Variants in SLC35A5 observed in about 807,000 individuals in gnomAD.
SLC35A5 encodes the protein solute carrier family 35 member A5.
Under a neutral mutation model 36.3 loss-of-function variants are expected in SLC35A5, and 28 were observed. That is an observed-to-expected ratio of 0.77 (90% CI 0.57 to 1.06). SLC35A5 has a LOEUF of 1.06. SLC35A5 is among the 50% of genes least tolerant of loss of function. The pLI is 0.00. For synonymous variants in SLC35A5, 180 were observed against 173.7 expected (o/e 1.04, Z -0.29); for missense variants, 521 against 499.3 (o/e 1.04, Z -0.41).
chr3:112,572,637 G>A (rs1303436209), intron 4 of SLC35A5, among the ~76,000 whole-genome samples: 2 of 152,100 alleles, frequency 1.3e-5, no homozygotes, highest in African/African-American at 4.8e-5. Flanking sequence ...TCCTGATTGT[G>A]AACAACCATA....
At position 112,570,612 on chromosome 3, in the gene SLC35A5, CCTTT is replaced by C. The variant is rs753395701; in HGVS notation, c.307_310del (p.Leu103IlefsTer6). 1.2e-6 allele frequency: 2 copies of C among 1,612,774 alleles called. No homozygotes were observed. Among genetic ancestry groups the C allele is most frequent in the Non-Finnish European group, 1.7e-6 (2 of 1,179,404 alleles). On this transcript the variant is annotated frameshift_variant, in exon 4 of 7. Coordinates refer to ENST00000492406, the MANE Select transcript of SLC35A5 (RefSeq NM_017945.5). LOFTEE classifies it high-confidence loss of function. ...GATTTCATGAAGTGGTCCATTCCTG[CCTTT>C]CTTTATTTCCTGGATAACTTGATTG...
intron 2 of SLC35A5, among the ~76,000 whole-genome samples, chr3:112,564,802 C>CT (rs1231303806): frequency 6.6e-6 from 1 of 152,214 alleles, no homozygotes; most frequent in Non-Finnish European, 1.5e-5. Context: ...GGTGATGACT[C>CT]TTAACGAGCA....
In SLC35A5 at chr3:112,581,225, A is replaced by G; in HGVS notation, c.1108A>G (p.Ile370Val). ...FLEAPSVLLS[I>V]FIYNASKPQV... is the part of the protein sequence containing the mutation. ...GGAAGCCCCATCAGTCCTTCTCTCT[A>G]TATTTATTTATAATGCCAGCAAGCC... The change falls in exon 6 of 7, where the codon ATA becomes GTA. Residue 370 changes from isoleucine (I) to valine (V), a missense_variant. Ile to Val is a conservative substitution (Grantham distance 29, BLOSUM62 3). Coordinates refer to ENST00000492406, the MANE Select transcript of SLC35A5 (RefSeq NM_017945.5). 4 of 1,613,722 alleles carry G rather than the reference A, an allele frequency of 2.5e-6. No individual in the cohort carries two copies. Among genetic ancestry groups the G allele is most frequent in the East Asian group, 4.5e-5 (2 of 44,846 alleles).
intron 4 of SLC35A5, among the ~76,000 whole-genome samples, chr3:112,570,957 G>A (rs1023199382): frequency 6.6e-6 from 1 of 152,104 alleles, no homozygotes; most frequent in Non-Finnish European, 1.5e-5. Flanking sequence ...TAATTAGTAT[G>A]CCTATTTTCT....
At chr3:112,567,630 T>C (rs529381461) in intron 2 of SLC35A5, among the ~76,000 whole-genome samples, 1 of 152,284 alleles carries the variant, frequency 6.6e-6, no homozygotes, top group Non-Finnish European at 1.5e-5. Context: ...AAAGGGGACA[T>C]TGGATTAATA....
Position 112,563,539 on chromosome 3 carries a change from T to C in SLC35A5, c.130+6T>C. 1 of 1,596,354 alleles carries C rather than the reference T, an allele frequency of 6.3e-7. No homozygotes were observed. The highest frequency in any genetic ancestry group is 1.1e-5 in the South Asian group (1 of 89,638). Reference sequence around the variant, plus strand: ...GAAGTATTCTGCCAATGAAGGTAAGTTAAGACTTGGTATATGCATGGAGCA... The same window carrying C: ...GAAGTATTCTGCCAATGAAGGTAAGCTAAGACTTGGTATATGCATGGAGCA... On this transcript the variant is annotated splice_donor_region_variant and intron_variant, in intron 2 of 6. Coordinates refer to ENST00000492406, the MANE Select transcript of SLC35A5 (RefSeq NM_017945.5).
At chr3:112,564,604 A>T (rs1934107838) in intron 2 of SLC35A5, among the ~76,000 whole-genome samples, 1 of 152,082 alleles carries the variant, frequency 6.6e-6, no homozygotes. Context: ...CTCTTTTACT[A>T]ATCCTCCTCA....
intron 2 of SLC35A5, among the ~76,000 whole-genome samples, chr3:112,568,309 G>C (rs1284095319): frequency 2.0e-5 from 3 of 152,210 alleles, no homozygotes; most frequent in Non-Finnish European, 4.4e-5. Flanking sequence ...GCCAATTTTG[G>C]TTTAATGTGA....
chr3:112,561,387 C>G, upstream of SLC35A5: 1 of 1,519,644 alleles, frequency 6.6e-7, no homozygotes, highest in Non-Finnish European at 9.1e-7. Context: ...AGCGGGGACT[C>G]CTGCGGCGCC....
upstream of SLC35A5, chr3:112,561,378 G>C (rs1933870331): frequency 6.8e-7 from 1 of 1,460,480 alleles, no homozygotes; most frequent in Non-Finnish European, 9.5e-7. Context: ...GCCGGAGAAA[G>C]CGGGGACTCC....
chr3:112,561,951 T>C (rs1375428973), upstream of SLC35A5: 2 of 217,164 alleles, frequency 9.2e-6, no homozygotes, highest in Non-Finnish European at 1.8e-5. Flanking sequence ...CACCGGGGCC[T>C]CACGTGACAC....
At chr3:112,576,426 A>T (rs1322015410) in intron 5 of SLC35A5, among the ~76,000 whole-genome samples, 1 of 149,432 alleles carries the variant, frequency 6.7e-6, no homozygotes, top group Non-Finnish European at 1.5e-5. Flanking sequence ...CGTCCAGCCC[A>T]TCTTAACAAT....
At chr3:112,579,411 C>T (rs1475342394) in intron 5 of SLC35A5, among the ~76,000 whole-genome samples, 3 of 151,758 alleles carry the variant, frequency 2.0e-5, no homozygotes, top group Admixed American at 6.6e-5. Flanking sequence ...CTCTTTTTTT[C>T]TCGGTGTTCC....
Position 112,581,164 on chromosome 3 carries a change from G to C in SLC35A5, c.1047G>C (p.Leu349=). The C allele has an allele frequency of 2.5e-6, 4 of 1,613,890 alleles. No individual in the cohort carries two copies. Among genetic ancestry groups the C allele is most frequent in the Non-Finnish European group, 3.4e-6 (4 of 1,179,948 alleles). ...TCATTATCACAACAGTGTCTGTCCT[G>C]GTCTTTGACTTCAGGCCCTCCCTGG... The part of the protein sequence containing the change: ...TTVIITTVSV[L]VFDFRPSLEF... The change falls in exon 6 of 7, where the codon CTG becomes CTC. Residue 349 remains leucine, a synonymous_variant. Coordinates refer to ENST00000492406, the MANE Select transcript of SLC35A5 (RefSeq NM_017945.5).
chr3:112,565,522 A>G (rs1393612988), intron 2 of SLC35A5, among the ~76,000 whole-genome samples: 1 of 152,254 alleles, frequency 6.6e-6, no homozygotes, highest in Non-Finnish European at 1.5e-5. Flanking sequence ...CTCATGCTGT[A>G]ATCCCAGCAC....
intron 2 of SLC35A5, among the ~76,000 whole-genome samples, chr3:112,566,918 TTAG>T (rs1410682529): frequency 6.6e-6 from 1 of 152,078 alleles, no homozygotes; most frequent in Non-Finnish European, 1.5e-5. Flanking sequence ...AGTAAGCCAG[TTAG>T]TAGAGAGGAA....
chr3:112,580,008 G>C (rs1298753895), intron 5 of SLC35A5, among the ~76,000 whole-genome samples: 1 of 152,216 alleles, frequency 6.6e-6, no homozygotes, highest in Admixed American at 6.5e-5. Context: ...CCAGCAGTTT[G>C]CTGTTTAATG....
In SLC35A5 at chr3:112,570,335, A is replaced by G. The variant is rs1934383359; in HGVS notation, c.230-205A>G. On this transcript the variant is annotated intron_variant, in intron 3 of 6. Transcript: ENST00000492406. ...AGTAATACTTCTGTTATCTCAAATT[A>G]ACAGGAATTAGGATAACCAGTAGTC... The G allele has an allele frequency of 7.6e-6, 3 of 396,852 alleles. No individual in the cohort carries two copies. The South Asian group carries it at 1.8e-4, about 24-fold the overall frequency. 24.6% of individuals were successfully genotyped at this position (396,852 alleles called of 1,614,324 possible).
At chr3:112,562,304 C>CCTGCGT (rs375629457) in intron 1 of SLC35A5, 31 bp downstream of exon 1, 1 of 152,648 alleles carries the variant, frequency 6.6e-6, no homozygotes, top group African/African-American at 2.4e-5. Flanking sequence ...AGGAATTGCG[C>CCTGCGT]CTGCGTCTGA....
Sources: gnomAD v4.1 joint callset for allele counts (sites outside exome capture counted in the v4.1 genomes callset) on GRCh38, gnomAD v4.1.1 for gene constraint, MANE v1.5 for transcripts, NCBI Gene and HGNC (gene_info 2026-07-23, HGNC 2026-07-21) for gene names.